The following PHKB variants were observed in gnomAD, a reference collection of about 807,000 sequenced individuals.
PHKB encodes phosphorylase b kinase regulatory subunit beta.
In PHKB, 122 loss-of-function variants were observed where a neutral mutation model predicts 152.1. The ratio of observed to expected loss-of-function variants is 0.80; its 90% confidence interval spans 0.69 to 0.93. The LOEUF is 0.93. Ranked by LOEUF, PHKB falls within the 40% of genes least tolerant of loss-of-function variation. PHKB has a pLI of 0.00. For synonymous variants in PHKB, 436 were observed against 464.9 expected, an observed-to-expected ratio of 0.94 and a Z score of 0.80; for missense variants, 1,304 against 1,328.4, an observed-to-expected ratio of 0.98 and a Z score of 0.29.
At chr16:47,699,150 C>T (rs746931951) in intron 30 of PHKB, 79 bp from the exon 31 acceptor site, 1 of 1,330,488 alleles carries the variant, frequency 7.5e-7, no homozygotes, top group Middle Eastern at 2.1e-4. Flanking sequence ...TATTTTTCCC[C>T]CTAAGCTGAC....
In PHKB at chr16:47,660,804, T is replaced by C; in HGVS notation, c.2181T>C (p.Ile727=). The part of the protein sequence containing the change: ...SEWKDKPTHE[I]LQKLNDCSCL... ...GGAAGGACAAACCCACCCACGAAAT[T>C]CTTCAAAAACTGAATGTGAGACAGA... The change falls in exon 22 of 31, where the codon ATT becomes ATC. Residue 727 remains isoleucine, a synonymous_variant. Coordinates refer to ENST00000323584, the MANE Select transcript of PHKB (RefSeq NM_000293.3). 6.2e-7 allele frequency: 1 copy of C among 1,613,934 alleles called. No individual in the cohort carries two copies. Among genetic ancestry groups the C allele is most frequent in the Non-Finnish European group, 8.5e-7 (1 of 1,179,920 alleles).
At chr16:47,555,302 T>G (rs1307722968) in intron 7 of PHKB, among the ~76,000 whole-genome samples, 1 of 152,230 alleles carries the variant, frequency 6.6e-6, no homozygotes, top group Non-Finnish European at 1.5e-5. Flanking sequence ...GTCCTTGTTC[T>G]TCTAGGAAAT....
At chr16:47,467,263 G>A (rs1355147495) in intron 1 of PHKB, among the ~76,000 whole-genome samples, 8 of 152,056 alleles carry the variant, frequency 5.3e-5, no homozygotes. Context: ...AAGTAAATCT[G>A]TCATGCTTAA....
At chr16:47,528,881 A>G (rs1379060075) in intron 6 of PHKB, among the ~76,000 whole-genome samples, 1 of 151,844 alleles carries the variant, frequency 6.6e-6, no homozygotes, top group African/African-American at 2.4e-5. Flanking sequence ...TTTTTAGTAG[A>G]GATGGGGTTT....
At chr16:47,636,200 GT>G (rs1474209811) in intron 14 of PHKB, among the ~76,000 whole-genome samples, 31 of 152,218 alleles carry the variant, frequency 2.0e-4, no homozygotes, top group Non-Finnish European at 7.3e-5. Flanking sequence ...CCAGAAAACA[GT>G]TTAAAATGTG....
intron 1 of PHKB, among the ~76,000 whole-genome samples, chr16:47,475,232 C>T (rs1269763255): frequency 6.6e-6 from 1 of 152,156 alleles, no homozygotes; most frequent in African/African-American, 2.4e-5. Flanking sequence ...GGACAAGAGA[C>T]TAAACCTTTA....
chr16:47,538,935 G>T (rs1276016180), intron 6 of PHKB, among the ~76,000 whole-genome samples: 1 of 152,088 alleles, frequency 6.6e-6, no homozygotes, highest in Non-Finnish European at 1.5e-5. Flanking sequence ...ATGAAGGTGA[G>T]ACATGTGTAT....
At chr16:47,642,155 T>G (rs1351215534) in intron 16 of PHKB, among the ~76,000 whole-genome samples, 16 of 151,926 alleles carry the variant, frequency 1.1e-4, no homozygotes, top group Admixed American at 1.1e-3. Flanking sequence ...AAGGTTTGTT[T>G]AAAAAAAACG....
intron 12 of PHKB, 85 bp from the exon 13 acceptor site, chr16:47,596,288 G>C (rs1972117578): frequency 4.2e-6 from 4 of 959,732 alleles, no homozygotes; most frequent in Admixed American, 2.0e-5. Flanking sequence ...AAATTACCCA[G>C]TCTTGGGTAT....
chr16:47,542,170 CCTATAAG>C (rs1567298800), intron 6 of PHKB, among the ~76,000 whole-genome samples: 2 of 151,162 alleles, frequency 1.3e-5, no homozygotes, highest in African/African-American at 4.8e-5. Context: ...AATTAATTTT[CCTATAAG>C]GTATAAGGTA....
chr16:47,639,421 G>A (rs1597142497), intron 14 of PHKB, among the ~76,000 whole-genome samples: 1 of 152,198 alleles, frequency 6.6e-6, no homozygotes, highest in African/African-American at 2.4e-5. Context: ...TTCTCTCAAT[G>A]GTGAATGGGG....
intron 7 of PHKB, among the ~76,000 whole-genome samples, chr16:47,554,703 A>G (rs1971337419): frequency 6.6e-6 from 1 of 152,210 alleles, no homozygotes; most frequent in African/African-American, 2.4e-5. Flanking sequence ...GGAAAAGTGT[A>G]GTATCTGGGC....
At chr16:47,580,726 T>C (rs771654633) in intron 8 of PHKB, among the ~76,000 whole-genome samples, 1 of 152,118 alleles carries the variant, frequency 6.6e-6, no homozygotes, top group Non-Finnish European at 1.5e-5. Flanking sequence ...TTGGTTTCAA[T>C]GTAATGTATT....
At chr16:47,497,653 G>C (rs915261755) in intron 2 of PHKB, among the ~76,000 whole-genome samples, 165 bp downstream of exon 2, 1 of 152,100 alleles carries the variant, frequency 6.6e-6, no homozygotes, top group African/African-American at 2.4e-5. Flanking sequence ...GTCGATATCA[G>C]GACTATAAAA....
At chr16:47,522,258 A>G (rs1970697163) in intron 6 of PHKB, among the ~76,000 whole-genome samples, 1 of 151,918 alleles carries the variant, frequency 6.6e-6, no homozygotes, top group Non-Finnish European at 1.5e-5. Flanking sequence ...TTTCTTCTTC[A>G]GTCAGTTTTA....
At chr16:47,672,380 C>T (rs1973652035) in intron 26 of PHKB, among the ~76,000 whole-genome samples, 1 of 152,144 alleles carries the variant, frequency 6.6e-6, no homozygotes, top group African/African-American at 2.4e-5. Context: ...ATGGTTCTTT[C>T]ATGTGAGCTA....
chr16:47,653,118 T>G (rs1367642935), intron 20 of PHKB, among the ~76,000 whole-genome samples: 2 of 152,306 alleles, frequency 1.3e-5, no homozygotes, highest in African/African-American at 4.8e-5. Flanking sequence ...TATTTGGAAT[T>G]CTTTTCTCTA....
chr16:47,464,995 T>G (rs1169200858), intron 1 of PHKB, among the ~76,000 whole-genome samples: 1 of 152,198 alleles, frequency 6.6e-6, no homozygotes, highest in East Asian at 1.9e-4. Context: ...CCCTCTTCAT[T>G]CATTTTCGTT....
At position 47,699,262 on chromosome 16, in the gene PHKB, C is replaced by T; in HGVS notation, c.3178C>T (p.Leu1060=). The change falls in exon 31 of 31, where the codon CTG becomes TTG. Residue 1060 remains leucine (L), a synonymous_variant. Coordinates refer to ENST00000323584, the MANE Select transcript of PHKB (RefSeq NM_000293.3). ...DMTSFYNTPP[L]GKRGTCSYLT... is the part of the protein sequence containing the mutation. ...GACTTCCTTTTACAACACTCCTCCC[C>T]TGGGAAAAAGAGGAACATGCAGCTA... The T allele has an allele frequency of 1.2e-6, 2 of 1,613,934 alleles. No individual in the cohort carries two copies. Among genetic ancestry groups the T allele is most frequent in the South Asian group, 2.2e-5 (2 of 91,070 alleles).
Sources: gnomAD v4.1 joint callset for allele counts (sites outside exome capture counted in the v4.1 genomes callset) on GRCh38, gnomAD v4.1.1 for gene constraint, MANE v1.5 for transcripts, NCBI Gene and HGNC (gene_info 2026-07-23, HGNC 2026-07-21) for gene names.